Variants in DLGAP1 observed in about 807,000 individuals in gnomAD.
DLGAP1 encodes the protein disks large-associated protein 1.
A neutral mutation model predicts 90.8 loss-of-function variants in DLGAP1; 11 were observed. That is an observed-to-expected ratio of 0.12 (90% CI 0.08 to 0.20). The LOEUF (loss-of-function observed/expected upper bound fraction) is 0.20. Among genes scored for constraint, DLGAP1 ranks in the 10% least tolerant of loss-of-function variants. The pLI is 1.00. For missense variants in DLGAP1, 1,050 were observed against 1,333.8 expected (o/e 0.79, Z 3.31); for synonymous variants, 558 against 540.7 (o/e 1.03, Z -0.44).
chr18:4,152,762 C>T (rs77691376), intron 1 of DLGAP1, among the ~76,000 whole-genome samples: 1,770 of 152,200 alleles, frequency 0.012, 12 homozygotes, highest in Middle Eastern at 0.027. Flanking sequence ...AAAAATGAGA[C>T]GCCATCATCA....
chr18:3,846,043 G>GGTGT (rs35460885), intron 4 of DLGAP1, among the ~76,000 whole-genome samples: 12,287 of 144,984 alleles, frequency 0.085, 613 homozygotes, highest in African/African-American at 0.13. Context: ...TTGAAAGTGT[G>GGTGT]GTGTGTGTGT....
intron 1 of DLGAP1, among the ~76,000 whole-genome samples, chr18:4,385,201 T>C (rs1421079133): frequency 1.3e-5 from 2 of 152,198 alleles, no homozygotes; most frequent in Non-Finnish European, 2.9e-5. Flanking sequence ...AATTCCTCTC[T>C]TATTTTCACT....
intron 1 of DLGAP1, among the ~76,000 whole-genome samples, chr18:4,413,555 ACTT>A (rs1437448237): frequency 1.1e-4 from 16 of 152,168 alleles, no homozygotes; most frequent in Admixed American, 9.8e-4. Flanking sequence ...TCCCCAGTCA[ACTT>A]CTTGTTTGTC....
At chr18:4,055,661 TGTA>T (rs1028822002) in intron 2 of DLGAP1, among the ~76,000 whole-genome samples, 13 of 152,154 alleles carry the variant, frequency 8.5e-5, no homozygotes, top group African/African-American at 3.1e-4. Context: ...CACGACTAAC[TGTA>T]AATAAGGCAG....
intron 1 of DLGAP1, among the ~76,000 whole-genome samples, chr18:4,181,330 A>G (rs2077204001): frequency 6.6e-6 from 1 of 152,214 alleles, no homozygotes; most frequent in African/African-American, 2.4e-5. Context: ...GCTTTTAATT[A>G]TCATTGAAAT....
In DLGAP1 at chr18:3,879,541, C is replaced by T. The variant is rs775696302; in HGVS notation, c.528G>A (p.Ala176=). 4 of 1,599,184 alleles carry T rather than the reference C, an allele frequency of 2.5e-6. No homozygotes were observed. The highest frequency in any genetic ancestry group is 3.4e-6 in the Non-Finnish European group (4 of 1,177,876). The change falls in exon 4 of 13, where the codon GCG becomes GCA. Residue 176 remains alanine, a synonymous_variant. Coordinates refer to ENST00000315677, the MANE Select transcript of DLGAP1 (RefSeq NM_004746.4). The surrounding 1 kb of genome is among the most constrained non-coding windows in gnomAD (Gnocchi z 6.6). ...TGCTCTTGCTGCGTTTGCCATAGCG[C>T]GCCGCCTGCGCCTCGTCAGGGCTGG... ...GKASPDEAQA[A]RYGKRSKSKE... is the part of the protein sequence containing the mutation.
intron 3 of DLGAP1, among the ~76,000 whole-genome samples, chr18:3,941,611 C>T (rs1469329647): frequency 6.6e-6 from 1 of 152,142 alleles, no homozygotes; most frequent in African/African-American, 2.4e-5. Flanking sequence ...TCTTCTTTAT[C>T]CAAGATAACA....
At chr18:3,610,277 G>T (rs1377206823) in intron 7 of DLGAP1, among the ~76,000 whole-genome samples, 1 of 152,154 alleles carries the variant, frequency 6.6e-6, no homozygotes, top group Non-Finnish European at 1.5e-5. Flanking sequence ...CATCTGCAGA[G>T]AAAATCTGCA....
At chr18:4,391,904 T>A (rs2082348843) in intron 1 of DLGAP1, among the ~76,000 whole-genome samples, 1 of 152,146 alleles carries the variant, frequency 6.6e-6, no homozygotes, top group Non-Finnish European at 1.5e-5. Context: ...CCCTCTTTAT[T>A]TGGTCTAAAA....
chr18:4,101,319 T>C (rs1176325591), intron 2 of DLGAP1, among the ~76,000 whole-genome samples: 1 of 152,108 alleles, frequency 6.6e-6, no homozygotes, highest in Non-Finnish European at 1.5e-5. Context: ...GAATAGCTGG[T>C]GAATGGAGGA....
intron 1 of DLGAP1, among the ~76,000 whole-genome samples, chr18:4,359,126 C>T (rs895638731): frequency 3.5e-4 from 53 of 152,250 alleles, no homozygotes; most frequent in African/African-American, 1.1e-3. Flanking sequence ...GACTGAATTA[C>T]AGACAGAGGG....
At chr18:4,157,052 T>A (rs1169746896) in intron 1 of DLGAP1, among the ~76,000 whole-genome samples, 1 of 152,206 alleles carries the variant, frequency 6.6e-6, no homozygotes, top group Non-Finnish European at 1.5e-5. Context: ...AAACCATCTA[T>A]GTTTAAATCC....
chr18:3,627,875 C>CTTT lies in DLGAP1; in HGVS notation c.1592-45630_1592-45628dup, dbSNP rs34874244. 5.8e-4 allele frequency among the ~76,000 whole-genome samples: 52 copies of CTTT among 90,090 alleles called. 2 individuals are homozygous for CTTT. The highest frequency in any genetic ancestry group is 2.0e-3 in the African/African-American group (46 of 23,390). The allele number at this position is 90,090 out of a possible 152,430, so 59.1% of individuals were successfully genotyped here. ...CCCTCCCTTCCTCCCTCCTTCCTTCCTTTTTTTTTTTTTTTTTTTTGAGAT... is the reference window on the plus strand; with the variant it reads ...CCCTCCCTTCCTCCCTCCTTCCTTCCTTTTTTTTTTTTTTTTTTTTTTTGAGAT... On this transcript the variant is annotated intron_variant, in intron 7 of 12. Transcript: ENST00000315677.
chr18:3,894,062 G>A (rs184992487), intron 3 of DLGAP1, among the ~76,000 whole-genome samples: 1 of 152,056 alleles, frequency 6.6e-6, no homozygotes, highest in Admixed American at 6.5e-5. Flanking sequence ...CTCTTTAATG[G>A]GGTTATTTGG....
chr18:3,611,849 G>T (rs912444915), intron 7 of DLGAP1, among the ~76,000 whole-genome samples: 3 of 152,230 alleles, frequency 2.0e-5, no homozygotes, highest in Non-Finnish European at 4.4e-5. Flanking sequence ...AGAGAGCAGG[G>T]TGTGGATGGG....
At chr18:3,984,842 G>C (rs748445557) in intron 3 of DLGAP1, among the ~76,000 whole-genome samples, 6 of 151,898 alleles carry the variant, frequency 4.0e-5, no homozygotes, top group Non-Finnish European at 8.8e-5. Flanking sequence ...TGCCCACAGA[G>C]CTCAGCCGGT....
At chr18:3,706,227 A>C (rs1251256292) in intron 7 of DLGAP1, among the ~76,000 whole-genome samples, 1 of 146,740 alleles carries the variant, frequency 6.8e-6, no homozygotes, top group Admixed American at 6.8e-5. Context: ...TAAACTCCTA[A>C]CCTCAAGTGA....
intron 4 of DLGAP1, among the ~76,000 whole-genome samples, chr18:3,861,975 G>A (rs16945541): frequency 0.13 from 19,216 of 152,266 alleles, 1,284 homozygotes; most frequent in Middle Eastern, 0.18. Context: ...GAAGTCTGGT[G>A]AGTAAACAAA....
intron 3 of DLGAP1, among the ~76,000 whole-genome samples, chr18:3,981,768 A>G (rs1306362613): frequency 2.0e-5 from 3 of 152,184 alleles, no homozygotes; most frequent in Admixed American, 1.3e-4. Flanking sequence ...TGAACTGGAT[A>G]ATAGAGAATT....
Sources: gnomAD v4.1 joint callset for allele counts (sites outside exome capture counted in the v4.1 genomes callset) on GRCh38, gnomAD v4.1.1 for gene constraint, Gnocchi (gnomAD v3.1) non-coding constraint, MANE v1.5 for transcripts, NCBI Gene and HGNC (gene_info 2026-07-23, HGNC 2026-07-21) for gene names.